Variants in ATL3 observed in about 807,000 individuals in gnomAD.
ATL3 encodes atlastin GTPase 3, also known as atlastin-3.
ATL3 carries 49 observed loss-of-function variants against 69.5 expected under a neutral mutation model. The observed-to-expected ratio is 0.71, with a 90% CI of 0.56 to 0.89. The LOEUF is 0.89. Among genes scored for constraint, ATL3 ranks in the 40% least tolerant of loss-of-function variants. The pLI, the probability that ATL3 is intolerant of heterozygous loss-of-function variation, is 0.00. For synonymous variants in ATL3, 214 were observed against 224.1 expected (o/e 0.95, Z 0.40); for missense variants, 606 against 645.7 (o/e 0.94, Z 0.67).
At position 63,627,782 on chromosome 11, in the gene ATL3, A is replaced by G. The variant is rs1201945280; in HGVS notation, c.*1537T>C. On this transcript the variant is annotated 3_prime_UTR_variant, in exon 13 of 13. Transcript: ENST00000398868. ...AAATAGAAAAAAAGAACTCTTAGAT[A>G]CTTCTAGATATTTTTTATATTTGGG... 5 of 152,236 alleles carry G rather than the reference A, an allele frequency of 3.3e-5. No homozygotes were observed. The highest frequency in any genetic ancestry group is 5.9e-5 in the Non-Finnish European group (4 of 68,032). 9.4% of individuals were successfully genotyped at this position (152,236 alleles called of 1,614,324 possible).
chr11:63,648,512 T>G (rs1023851129), intron 5 of ATL3, among the ~76,000 whole-genome samples: 3 of 152,168 alleles, frequency 2.0e-5, no homozygotes, highest in Non-Finnish European at 4.4e-5. Flanking sequence ...GACCACCAGC[T>G]AGACATTTGA....
chr11:63,648,218 C>T (rs1939950503), intron 5 of ATL3, among the ~76,000 whole-genome samples: 1 of 152,146 alleles, frequency 6.6e-6, no homozygotes, highest in East Asian at 1.9e-4. Flanking sequence ...TCAAAGTCCA[C>T]ATAGTGAGCA....
At chr11:63,633,859 C>A (rs1305433192) in intron 10 of ATL3, among the ~76,000 whole-genome samples, 5 of 149,826 alleles carry the variant, frequency 3.3e-5, no homozygotes, top group Non-Finnish European at 4.4e-5. Flanking sequence ...ATGTTGAAAC[C>A]CCATCTCTAC....
intron 4 of ATL3, 151 bp from the exon 5 acceptor site, chr11:63,652,137 G>C: frequency 7.3e-7 from 1 of 1,374,266 alleles, no homozygotes; most frequent in South Asian, 1.6e-5. Flanking sequence ...CTGTCTTTTG[G>C]AAAACTATGC....
intron 5 of ATL3, among the ~76,000 whole-genome samples, chr11:63,649,061 C>A (rs1388550796): frequency 6.6e-6 from 1 of 151,562 alleles, no homozygotes; most frequent in Non-Finnish European, 1.5e-5. Context: ...GCGGAGATTG[C>A]AGTGAGTGAG....
In ATL3 at chr11:63,631,093, A is replaced by G; in HGVS notation, c.1486T>C (p.Tyr496His). 6.2e-7 allele frequency: 1 copy of G among 1,614,136 alleles called. No homozygotes were observed. Among genetic ancestry groups the G allele is most frequent in the Non-Finnish European group, 8.5e-7 (1 of 1,180,030 alleles). Reference protein sequence around the residue: ...TWGYIRYSGQYRELGGAIDFG... With the variant: ...TWGYIRYSGQHRELGGAIDFG... ...TCAATAGCTCCGCCCAGCTCACGATATTGACCAGAATACCTGATGTAGCCC... is the reference window on the plus strand; with the variant it reads ...TCAATAGCTCCGCCCAGCTCACGATGTTGACCAGAATACCTGATGTAGCCC... Residue 496 changes from tyrosine (Y) to histidine (H), a missense_variant, in exon 12 of 13, where the codon TAT (tyrosine) becomes CAT (histidine). By Grantham distance (83) the Tyr-to-His change is moderately conservative (BLOSUM62 2). Coordinates refer to ENST00000398868, the MANE Select transcript of ATL3 (RefSeq NM_015459.5).
chr11:63,633,088 C>T lies in ATL3; in HGVS notation c.1045G>A (p.Glu349Lys). 3 of 1,614,048 alleles carry T rather than the reference C, an allele frequency of 1.9e-6. No homozygotes were observed. The highest frequency in any genetic ancestry group is 1.7e-6 in the Non-Finnish European group (2 of 1,179,908). ...GCTGCAGCTGCTAAGTTGTTGGCTTCAGCAGTGGCCTTTTAAGAGAGAAAA... is the reference window on the plus strand; with the variant it reads ...GCTGCAGCTGCTAAGTTGTTGGCTTTAGCAGTGGCCTTTTAAGAGAGAAAA... ...HPKSMLQATA[E>K]ANNLAAAASA... The change falls in exon 11 of 13, where the codon GAA (glutamate) becomes AAA (lysine). Residue 349 changes from glutamate to lysine, a missense_variant. Coordinates refer to ENST00000398868, the MANE Select transcript of ATL3 (RefSeq NM_015459.5).
chr11:63,658,679 T>C (rs894779525), intron 3 of ATL3, 82 bp downstream of exon 3: 13 of 1,381,922 alleles, frequency 9.4e-6, no homozygotes, highest in Non-Finnish European at 1.0e-5. Flanking sequence ...TAAAAGGTTT[T>C]TAATTGGGTT....
At chr11:63,634,317 TA>T in intron 10 of ATL3, among the ~76,000 whole-genome samples, 1 of 151,406 alleles carries the variant, frequency 6.6e-6, no homozygotes, top group Admixed American at 6.6e-5. Flanking sequence ...TCATCCTGGC[TA>T]ACACGGTGAA....
intron 8 of ATL3, chr11:63,637,722 C>T (rs1387456028): frequency 6.6e-6 from 1 of 152,096 alleles, no homozygotes; most frequent in Admixed American, 6.5e-5. Context: ...CAGCTATACA[C>T]TGAAAAAAAG....
intron 8 of ATL3, among the ~76,000 whole-genome samples, chr11:63,639,552 G>A (rs1037609432): frequency 1.3e-5 from 2 of 152,076 alleles, no homozygotes; most frequent in African/African-American, 2.4e-5. Context: ...TCAGGAGTTC[G>A]AGACCAGCCT....
intron 1 of ATL3, among the ~76,000 whole-genome samples, chr11:63,663,224 T>G (rs1435606877): frequency 6.6e-6 from 1 of 151,960 alleles, no homozygotes; most frequent in Non-Finnish European, 1.5e-5. Context: ...GTTCAAGCAA[T>G]CCTCCCACCT....
intron 11 of ATL3, chr11:63,632,213 C>T: frequency 1.5e-6 from 1 of 645,472 alleles, no homozygotes; most frequent in South Asian, 1.6e-5. Flanking sequence ...GCAGAGTCTA[C>T]ATAGAACTAT....
At chr11:63,632,944 A>G in intron 11 of ATL3, 82 bp downstream of exon 11, 1 of 1,278,084 alleles carries the variant, frequency 7.8e-7, no homozygotes, top group Non-Finnish European at 1.1e-6. Context: ...AGATACATTA[A>G]GTAGGATCAA....
chr11:63,632,432 CA>C, intron 11 of ATL3: 1 of 837,868 alleles, frequency 1.2e-6, no homozygotes, highest in Non-Finnish European at 2.1e-6. Flanking sequence ...ATTGTGATTG[CA>C]AAAAGCCCAA....
At position 63,626,759 on chromosome 11, in the gene ATL3, T is replaced by C. The variant is rs182009533; in HGVS notation, c.*2560A>G. The C allele has an allele frequency of 1.3e-5, 2 of 152,292 alleles. No individual in the cohort carries two copies. The highest frequency in any genetic ancestry group is 1.3e-4 in the Admixed American group (2 of 15,304). 9.4% of individuals were successfully genotyped at this position (152,292 alleles called of 1,614,324 possible). On this transcript the variant is annotated 3_prime_UTR_variant, in exon 13 of 13. Coordinates refer to ENST00000398868, the MANE Select transcript of ATL3 (RefSeq NM_015459.5). ...TAAAAGGTGAGAGAAGTAAAAGATATTATTTTTAACCTGGTTATAAATCTC... is the reference window on the plus strand; with the variant it reads ...TAAAAGGTGAGAGAAGTAAAAGATACTATTTTTAACCTGGTTATAAATCTC...
In ATL3 at chr11:63,629,000, TAAAG is replaced by T. The variant is rs1243212436; in HGVS notation, c.*315_*318del. On this transcript the variant is annotated 3_prime_UTR_variant, in exon 13 of 13. Transcript: ENST00000398868. ...ATCTTAAAAGGCACTAAGTGGCACA[TAAAG>T]AACTTAAAAGCTGCATTTCCATTTT... 1.4e-5 allele frequency: 4 copies of T among 295,160 alleles called. No individual in the cohort carries two copies. The highest frequency in any genetic ancestry group is 2.5e-5 in the Non-Finnish European group (4 of 157,376). 18.3% of individuals were successfully genotyped at this position (295,160 alleles called of 1,614,324 possible).
upstream of ATL3, chr11:63,671,653 A>T (rs765183762): frequency 1.4e-6 from 2 of 1,395,482 alleles, no homozygotes; most frequent in South Asian, 2.5e-5. Flanking sequence ...CGGGGCGCTG[A>T]GTGCTACCGT....
Position 63,627,513 on chromosome 11 carries a change from T to G in ATL3, c.*1806A>C, listed in dbSNP as rs1313726338. 1 of 152,164 alleles carries G rather than the reference T, an allele frequency of 6.6e-6. No individual in the cohort carries two copies. The highest frequency in any genetic ancestry group is 1.5e-5 in the Non-Finnish European group (1 of 68,006). 9.4% of individuals were successfully genotyped at this position (152,164 alleles called of 1,614,324 possible). On this transcript the variant is annotated 3_prime_UTR_variant, in exon 13 of 13. Transcript: ENST00000398868. ...AAGAGATTACATGCGAAAAGGGACT[T>G]TTTTTCTACCTTCCATTCATACTTC...
Sources: allele counts gnomAD v4.1 joint callset (sites outside exome capture counted in the v4.1 genomes callset), GRCh38; gene constraint gnomAD v4.1.1; transcripts MANE v1.5; gene names NCBI Gene and HGNC (gene_info 2026-07-23, HGNC 2026-07-21).